The following DNAJC6 variants were observed in gnomAD, a reference collection of about 807,000 sequenced individuals.
DNAJC6 encodes the protein auxilin.
Under a neutral mutation model 110.0 loss-of-function variants are expected in DNAJC6, and 34 were observed. That is an observed-to-expected ratio of 0.31 (90% CI 0.24 to 0.41). DNAJC6 has a LOEUF of 0.41. DNAJC6 is among the 10% of genes least tolerant of loss of function. DNAJC6 has a pLI of 1.00. For synonymous variants in DNAJC6, 406 were observed against 437.2 expected (o/e 0.93, Z 0.89); for missense variants, 1,031 against 1,207.8 (o/e 0.85, Z 2.17).
intron 1 of DNAJC6, among the ~76,000 whole-genome samples, chr1:65,342,584 A>G (rs1645398901): frequency 6.6e-6 from 1 of 152,174 alleles, no homozygotes; most frequent in African/African-American, 2.4e-5. Flanking sequence ...GTACCTTGTT[A>G]CAGCAGCCCA....
At chr1:65,370,698 T>A (rs1403729929) in intron 4 of DNAJC6, among the ~76,000 whole-genome samples, 2 of 152,234 alleles carry the variant, frequency 1.3e-5, no homozygotes, top group Admixed American at 1.3e-4. Flanking sequence ...GCTGGTTGTT[T>A]TAGGCTCTAC....
chr1:65,285,667 GT>G (rs1439796590), intron 1 of DNAJC6, among the ~76,000 whole-genome samples: 1 of 151,800 alleles, frequency 6.6e-6, no homozygotes, highest in East Asian at 1.9e-4. Context: ...TGTATTTTAG[GT>G]TTTTTGTTTT....
At chr1:65,302,273 TTATATAATA>T in intron 1 of DNAJC6, among the ~76,000 whole-genome samples, 2 of 19,862 alleles carry the variant, frequency 1.0e-4, no homozygotes, top group African/African-American at 5.5e-4. Flanking sequence ...ATATTATATA[TTATATAATA>T]TAATATATAA....
chr1:65,359,257 G>A (rs534704634), intron 1 of DNAJC6, among the ~76,000 whole-genome samples: 1 of 152,156 alleles, frequency 6.6e-6, no homozygotes, highest in Non-Finnish European at 1.5e-5. Context: ...TCTCTCCCAG[G>A]AAACACAAAT....
chr1:65,302,285 A>T (rs1008240995), intron 1 of DNAJC6, among the ~76,000 whole-genome samples: 4 of 71,510 alleles, frequency 5.6e-5, no homozygotes, highest in Non-Finnish European at 1.1e-4. Flanking sequence ...ATATAATATA[A>T]TATATAATAT....
chr1:65,293,989 GTTATC>G (rs1644904533), intron 1 of DNAJC6, among the ~76,000 whole-genome samples: 1 of 152,118 alleles, frequency 6.6e-6, no homozygotes, highest in Admixed American at 6.6e-5. Flanking sequence ...CTTTCACTCA[GTTATC>G]TTAACTAAAA....
At chr1:65,319,659 C>A (rs973517891) in intron 1 of DNAJC6, among the ~76,000 whole-genome samples, 1 of 152,010 alleles carries the variant, frequency 6.6e-6, no homozygotes, top group Admixed American at 6.5e-5. Flanking sequence ...AACAAAAAAA[C>A]CAAAACAACC....
In DNAJC6 at chr1:65,407,054, G is replaced by C. The variant is rs79387266; in HGVS notation, c.2491+921G>C. Among the ~76,000 whole-genome samples, 798 of 152,290 alleles carry C rather than the reference G, an allele frequency of 5.2e-3. 6 individuals are homozygous for C. Among genetic ancestry groups the C allele is most frequent in the African/African-American group, 0.018 (762 of 41,552 alleles). On this transcript the variant is annotated intron_variant, in intron 16 of 18. Coordinates refer to ENST00000371069, the MANE Select transcript of DNAJC6 (RefSeq NM_001256864.2). ...TTTCAGTTACCTGAGGTCAACTGCAGTCTGAAAATATTAAATGGAAAATTC... is the reference window on the plus strand; with the variant it reads ...TTTCAGTTACCTGAGGTCAACTGCACTCTGAAAATATTAAATGGAAAATTC...
At position 65,404,497 on chromosome 1, in the gene DNAJC6, T is replaced by C. The variant is rs77685234; in HGVS notation, c.2228-1373T>C. Among the ~76,000 whole-genome samples the C allele has an allele frequency of 1.1e-3, 163 of 152,334 alleles. 1 individual carries two copies. The highest frequency in any genetic ancestry group is 3.4e-3 in the African/African-American group (141 of 41,578). ...TCAGCTATATTCTTAGTGCCCAGCA[T>C]AGTACATGACACTTGGTAATGCTCA... is the stretch of plus-strand genomic sequence containing the variant. On this transcript the variant is annotated intron_variant, in intron 15 of 18. Transcript: ENST00000371069.
intron 1 of DNAJC6, among the ~76,000 whole-genome samples, chr1:65,318,339 A>G (rs1205437811): frequency 1.3e-5 from 2 of 152,194 alleles, no homozygotes; most frequent in Admixed American, 6.5e-5. Flanking sequence ...GAATAGGTCC[A>G]TGAAGGTAAA....
At chr1:65,266,367 A>G (rs1318592055) in intron 1 of DNAJC6, among the ~76,000 whole-genome samples, 2 of 152,168 alleles carry the variant, frequency 1.3e-5, no homozygotes, top group African/African-American at 4.8e-5. Flanking sequence ...AAACAATCCC[A>G]CTTTCCATAA....
chr1:65,366,627 G>A (rs1223611641), intron 4 of DNAJC6, among the ~76,000 whole-genome samples: 3 of 152,140 alleles, frequency 2.0e-5, no homozygotes, highest in Non-Finnish European at 2.9e-5. Flanking sequence ...TAATGGGAAC[G>A]TGTTTCCATT....
intron 18 of DNAJC6, among the ~76,000 whole-genome samples, chr1:65,412,542 T>C (rs1280538587): frequency 6.6e-6 from 1 of 152,214 alleles, no homozygotes; most frequent in Non-Finnish European, 1.5e-5. Context: ...CCACAAACTG[T>C]ATTCCCCATT....
chr1:65,394,908 T>G lies in DNAJC6; in HGVS notation c.1914T>G (p.Phe638Leu). 6.3e-7 allele frequency: 1 copy of G among 1,599,858 alleles called. No individual in the cohort carries two copies. The highest frequency in any genetic ancestry group is 8.5e-7 in the Non-Finnish European group (1 of 1,175,596). ...PTLRVGEGAT[F>L]DPFGAPSKPS... is the part of the protein sequence containing the mutation. ...CCCATTGTTTTCTAGGTGCCACCTT[T>G]GACCCATTTGGAGCACCTTCTAAAC... Residue 638 changes from phenylalanine to leucine, a missense_variant, in exon 13 of 19, where the codon TTT becomes TTG. Coordinates refer to ENST00000371069, the MANE Select transcript of DNAJC6 (RefSeq NM_001256864.2).
chr1:65,268,204 A>C (rs1202804125), intron 1 of DNAJC6, among the ~76,000 whole-genome samples: 1 of 152,158 alleles, frequency 6.6e-6, no homozygotes, highest in African/African-American at 2.4e-5. Context: ...TGGTTCAGTA[A>C]ATGTTGACTT....
In DNAJC6 at chr1:65,398,876, A is replaced by G; in HGVS notation, c.2102A>G (p.Lys701Arg). 1 of 1,614,040 alleles carries G rather than the reference A, an allele frequency of 6.2e-7. No homozygotes were observed. The highest frequency in any genetic ancestry group is 8.5e-7 in the Non-Finnish European group (1 of 1,179,944). ...DVSGGWDWHAKPGGFGMGSKS... is the reference protein window; with the variant it reads ...DVSGGWDWHARPGGFGMGSKS... The stretch of plus-strand genomic sequence containing the variant: ...TCTGGAGGTTGGGACTGGCATGCTA[A>G]ACCAGGTAAAAGCAGGTTATTTTCT... Residue 701 changes from lysine to arginine, a missense_variant, in exon 14 of 19, where the codon AAA becomes AGA. Transcript: ENST00000371069.
At chr1:65,360,276 G>A (rs9436716) in intron 1 of DNAJC6, among the ~76,000 whole-genome samples, 34 of 152,322 alleles carry the variant, frequency 2.2e-4, no homozygotes, top group African/African-American at 7.7e-4. Flanking sequence ...CCAGTTCAAC[G>A]TATAATTTGA....
chr1:65,323,105 T>C lies in DNAJC6; in HGVS notation c.193+13167T>C, dbSNP rs145508790. Among the ~76,000 whole-genome samples, 516 of 152,358 alleles carry C rather than the reference T, an allele frequency of 3.4e-3. 2 individuals carry two copies. The highest frequency in any genetic ancestry group is 0.012 in the African/African-American group (481 of 41,586). On this transcript the variant is annotated intron_variant, in intron 1 of 18. Coordinates refer to ENST00000371069, the MANE Select transcript of DNAJC6 (RefSeq NM_001256864.2). ...CATTGGAGTTGGAGCCAGTGGTTGT[T>C]CTAGATTCAAGTTTTTAACATTGCT...
chr1:65,366,768 A>C (rs183334194), intron 4 of DNAJC6, among the ~76,000 whole-genome samples: 2 of 152,122 alleles, frequency 1.3e-5, no homozygotes, highest in Admixed American at 6.5e-5. Context: ...AAAAAAAGGC[A>C]TTTTTTTCCC....
Sources: gnomAD v4.1 joint callset for allele counts (sites outside exome capture counted in the v4.1 genomes callset) on GRCh38, gnomAD v4.1.1 for gene constraint, MANE v1.5 for transcripts, NCBI Gene and HGNC (gene_info 2026-07-23, HGNC 2026-07-21) for gene names.